SPIN1: variants seen among roughly 807,000 people sequenced by gnomAD.
The protein encoded by SPIN1 is spindlin 1.
SPIN1 carries 3 observed loss-of-function variants against 26.0 expected under a neutral mutation model. The observed-to-expected ratio is 0.12, with a 90% CI of 0.05 to 0.30. The LOEUF (loss-of-function observed/expected upper bound fraction) is 0.30, where lower values mean the gene tolerates loss of function less well. SPIN1 is among the 10% of genes least tolerant of loss of function. The probability of loss-of-function intolerance (pLI) is 1.00; values close to 1 mark genes in which losing one functional copy is unlikely to be tolerated. For synonymous variants in SPIN1, 101 were observed against 116.5 expected, an observed-to-expected ratio of 0.87 and a Z score of 0.86; for missense variants, 126 against 333.4, an observed-to-expected ratio of 0.38 and a Z score of 4.84.
At chr9:88,446,677 G>A (rs7861419) in intron 2 of SPIN1, among the ~76,000 whole-genome samples, 1 of 151,950 alleles carries the variant, frequency 6.6e-6, no homozygotes, top group Non-Finnish European at 1.5e-5. Flanking sequence ...CAAAGTGCTG[G>A]GATTACAGGC....
At chr9:88,448,106 C>T (rs149105109) in intron 2 of SPIN1, among the ~76,000 whole-genome samples, 9 of 150,466 alleles carry the variant, frequency 6.0e-5, no homozygotes, top group African/African-American at 2.2e-4. Context: ...TGCAGTAGTG[C>T]AGTCTTGGCT....
chr9:88,398,619 A>T (rs1377847989), intron 1 of SPIN1, among the ~76,000 whole-genome samples: 1 of 152,156 alleles, frequency 6.6e-6, no homozygotes, highest in Admixed American at 6.6e-5. Context: ...CTTGTTGCCC[A>T]GGCTGGAGTG....
At chr9:88,473,582 C>T (rs1350091719) in intron 5 of SPIN1, among the ~76,000 whole-genome samples, 1 of 152,062 alleles carries the variant, frequency 6.6e-6, no homozygotes, top group African/African-American at 2.4e-5. Flanking sequence ...AGGGCGTCTG[C>T]AATTCTGCAT....
intron 1 of SPIN1, among the ~76,000 whole-genome samples, chr9:88,423,301 T>C (rs1827705801): frequency 6.6e-6 from 1 of 152,204 alleles, no homozygotes; most frequent in African/African-American, 2.4e-5. Context: ...TTCTTTAATC[T>C]GGCTGGGTGC....
At chr9:88,388,684 G>C (rs1332024030) in intron 1 of SPIN1, 146 bp downstream of exon 1, 1 of 148,420 alleles carries the variant, frequency 6.7e-6, no homozygotes, top group Non-Finnish European at 1.5e-5. Context: ...CGCCCGCATA[G>C]CGCCCCCTGC....
At chr9:88,395,658 G>T (rs748816883) in intron 1 of SPIN1, among the ~76,000 whole-genome samples, 3 of 151,866 alleles carry the variant, frequency 2.0e-5, no homozygotes, top group Non-Finnish European at 4.4e-5. Context: ...GTGTTGCCCA[G>T]GATGATCTTG....
intron 1 of SPIN1, among the ~76,000 whole-genome samples, chr9:88,420,420 C>G (rs1432126425): frequency 6.6e-6 from 1 of 152,102 alleles, no homozygotes; most frequent in East Asian, 1.9e-4. Context: ...TACTCAAGTG[C>G]AAAACTGAGA....
At chr9:88,400,110 C>A (rs913017226) in intron 1 of SPIN1, among the ~76,000 whole-genome samples, 1 of 152,172 alleles carries the variant, frequency 6.6e-6, no homozygotes, top group African/African-American at 2.4e-5. Context: ...ATTGGCCTCC[C>A]TTTGGGTAGT....
At chr9:88,450,437 C>T (rs948191305) in intron 3 of SPIN1, among the ~76,000 whole-genome samples, 1 of 152,102 alleles carries the variant, frequency 6.6e-6, no homozygotes, top group African/African-American at 2.4e-5. Context: ...ATTAAAAGTT[C>T]ATTTACTTAG....
At chr9:88,428,342 C>T (rs1364573418) in intron 2 of SPIN1, among the ~76,000 whole-genome samples, 1 of 152,172 alleles carries the variant, frequency 6.6e-6, no homozygotes, top group East Asian at 1.9e-4. Context: ...TCCCTCCTTC[C>T]CTTTAGAGTC....
chr9:88,435,183 A>G (rs28375433), intron 2 of SPIN1, among the ~76,000 whole-genome samples: 29,177 of 151,216 alleles, frequency 0.19, 3,694 homozygotes, highest in African/African-American at 0.37. Flanking sequence ...ATTGCCCTCC[A>G]TCGACTCTGT....
intron 5 of SPIN1, among the ~76,000 whole-genome samples, chr9:88,474,143 A>T (rs1244062703): frequency 6.6e-6 from 1 of 152,230 alleles, no homozygotes; most frequent in Non-Finnish European, 1.5e-5. Flanking sequence ...TGCCAGGATA[A>T]CATGGACTGT....
chr9:88,457,085 A>G (rs547990272), intron 3 of SPIN1, among the ~76,000 whole-genome samples: 1 of 152,194 alleles, frequency 6.6e-6, no homozygotes, highest in African/African-American at 2.4e-5. Context: ...TAGAAGTGCT[A>G]GCATTTGTCT....
At chr9:88,422,890 A>G (rs1827697664) in intron 1 of SPIN1, among the ~76,000 whole-genome samples, 2 of 151,986 alleles carry the variant, frequency 1.3e-5, no homozygotes, top group Admixed American at 6.5e-5. Flanking sequence ...TTGTATTTTT[A>G]GAGGAGACCG....
At chr9:88,449,698 T>C (rs1351791929) in intron 3 of SPIN1, among the ~76,000 whole-genome samples, 1 of 152,216 alleles carries the variant, frequency 6.6e-6, no homozygotes, top group East Asian at 1.9e-4. Flanking sequence ...CAACTATCTA[T>C]CCTATACTGA....
intron 1 of SPIN1, among the ~76,000 whole-genome samples, chr9:88,420,560 T>C (rs749730310): frequency 2.6e-5 from 4 of 152,138 alleles, no homozygotes; most frequent in Admixed American, 6.5e-5. Context: ...CCATACAAGG[T>C]TGGTTTATGA....
chr9:88,448,797 A>C, intron 2 of SPIN1, 144 bp from the exon 3 acceptor site: 1 of 629,134 alleles, frequency 1.6e-6, no homozygotes, highest in Non-Finnish European at 2.7e-6. Context: ...TCAGTAAACA[A>C]ATGGCTTTCT....
At chr9:88,437,675 C>T (rs903905420) in intron 2 of SPIN1, among the ~76,000 whole-genome samples, 10 of 152,140 alleles carry the variant, frequency 6.6e-5, no homozygotes, top group Admixed American at 5.9e-4. Context: ...TCTTCCAAAG[C>T]GGCTCTACCG....
chr9:88,402,323 A>T (rs1827204511), intron 1 of SPIN1, among the ~76,000 whole-genome samples: 2 of 152,044 alleles, frequency 1.3e-5, no homozygotes, highest in Non-Finnish European at 2.9e-5. Flanking sequence ...TGCTGGTAAC[A>T]TTTCAAGCCT....
Sources: gnomAD v4.1 joint callset for allele counts (sites outside exome capture counted in the v4.1 genomes callset) on GRCh38, gnomAD v4.1.1 for gene constraint, MANE v1.5 for transcripts, NCBI Gene and HGNC (gene_info 2026-07-23, HGNC 2026-07-21) for gene names.